AGBL1: variants seen among roughly 807,000 people sequenced by gnomAD.
AGBL1 encodes the protein AGBL carboxypeptidase 1.
In AGBL1, 130 loss-of-function variants were observed where a neutral mutation model predicts 118.9. That is an observed-to-expected ratio of 1.09 (90% CI 0.95 to 1.26). AGBL1 has a LOEUF of 1.26. Ranked by LOEUF, AGBL1 falls within the 50% of genes most tolerant of loss-of-function variation. The pLI is 0.00. For missense variants in AGBL1, 1,584 were observed against 1,298.1 expected (o/e 1.22, Z -3.38); for synonymous variants, 555 against 478.9 (o/e 1.16, Z -2.08).
intron 22 of AGBL1, among the ~76,000 whole-genome samples, chr15:86,806,994 T>C (rs981101963): frequency 1.3e-5 from 2 of 152,126 alleles, no homozygotes; most frequent in African/African-American, 2.4e-5. Context: ...TACCTTTTTT[T>C]CCTTAAAACT....
intron 22 of AGBL1, 82 bp from the exon 23 acceptor site, chr15:86,907,005 C>T (rs2080289591): frequency 6.6e-6 from 1 of 152,318 alleles, no homozygotes; most frequent in Non-Finnish European, 1.5e-5. Flanking sequence ...CCTCCTTCTA[C>T]TTCCCTTTCC....
chr15:86,679,570 G>T (rs962032710), intron 22 of AGBL1, among the ~76,000 whole-genome samples: 2 of 151,940 alleles, frequency 1.3e-5, no homozygotes, highest in Non-Finnish European at 2.9e-5. Flanking sequence ...TATGATCTGG[G>T]CTAGAGTTTT....
At chr15:86,472,029 C>T (rs945206297) in intron 18 of AGBL1, among the ~76,000 whole-genome samples, 4 of 152,158 alleles carry the variant, frequency 2.6e-5, no homozygotes, top group African/African-American at 9.7e-5. Flanking sequence ...GAACCACTGA[C>T]TGGTGTGATG....
intron 22 of AGBL1, among the ~76,000 whole-genome samples, chr15:86,754,613 C>G (rs1314648817): frequency 6.6e-6 from 1 of 152,002 alleles, no homozygotes. Context: ...TGTATACCCA[C>G]CCCAAGTGAG....
chr15:86,289,650 C>T (rs1176400400), intron 16 of AGBL1, among the ~76,000 whole-genome samples: 1 of 152,076 alleles, frequency 6.6e-6, no homozygotes, highest in Admixed American at 6.6e-5. Context: ...GCTCATGGTA[C>T]CTCCCTCCAC....
At chr15:86,941,720 C>G (rs1355251894) in intron 23 of AGBL1, among the ~76,000 whole-genome samples, 2 of 152,180 alleles carry the variant, frequency 1.3e-5, no homozygotes, top group Non-Finnish European at 2.9e-5. Flanking sequence ...CACTCTACAA[C>G]AAAGTGCTCA....
chr15:86,579,556 T>G (rs1396940870), intron 21 of AGBL1, among the ~76,000 whole-genome samples: 1 of 152,294 alleles, frequency 6.6e-6, no homozygotes, highest in East Asian at 1.9e-4. Flanking sequence ...TTTTGGGCAC[T>G]TATTGGGGAA....
At chr15:86,654,735 C>T (rs543426865) in intron 21 of AGBL1, among the ~76,000 whole-genome samples, 5 of 152,082 alleles carry the variant, frequency 3.3e-5, no homozygotes, top group Non-Finnish European at 5.9e-5. Flanking sequence ...TGGTCATTGA[C>T]CTCCCAGTCC....
chr15:86,588,614 C>G (rs1310894510), intron 21 of AGBL1, among the ~76,000 whole-genome samples: 1 of 152,148 alleles, frequency 6.6e-6, no homozygotes, highest in African/African-American at 2.4e-5. Flanking sequence ...CTGATCAAAT[C>G]CAACCCCTGG....
At chr15:86,186,865 T>C (rs950290148) in intron 5 of AGBL1, among the ~76,000 whole-genome samples, 4 of 152,216 alleles carry the variant, frequency 2.6e-5, no homozygotes, top group African/African-American at 9.6e-5. Flanking sequence ...TTTGGTAACA[T>C]GCACAAGGTC....
intron 22 of AGBL1, among the ~76,000 whole-genome samples, chr15:86,737,304 A>G (rs917366970): frequency 1.8e-4 from 27 of 152,252 alleles, no homozygotes; most frequent in Non-Finnish European, 3.2e-4. Flanking sequence ...TGCTGAGGAG[A>G]GAAACAGCTG....
At chr15:86,938,511 T>C (rs2080705564) in intron 23 of AGBL1, among the ~76,000 whole-genome samples, 1 of 152,222 alleles carries the variant, frequency 6.6e-6, no homozygotes, top group African/African-American at 2.4e-5. Flanking sequence ...TTCAGGCAGC[T>C]GAACGTATTT....
intron 24 of AGBL1, among the ~76,000 whole-genome samples, chr15:87,019,705 T>TAAAAG (rs1259982663): frequency 1.2e-4 from 18 of 151,694 alleles, no homozygotes; most frequent in African/African-American, 4.1e-4. Flanking sequence ...ACATCACAAC[T>TAAAAG]AAAAGAACAA....
chr15:86,452,006 A>G (rs1255067599), intron 18 of AGBL1, among the ~76,000 whole-genome samples: 3 of 152,112 alleles, frequency 2.0e-5, no homozygotes, highest in Non-Finnish European at 2.9e-5. Context: ...CAGCTGTTCA[A>G]TGAATTGGCT....
At chr15:86,953,258 A>T (rs1412710874) in intron 23 of AGBL1, among the ~76,000 whole-genome samples, 1 of 152,054 alleles carries the variant, frequency 6.6e-6, no homozygotes, top group Admixed American at 6.6e-5. Context: ...TTTGGGCAGT[A>T]TGGCCATTTT....
intron 18 of AGBL1, among the ~76,000 whole-genome samples, chr15:86,477,629 T>C (rs1376247947): frequency 1.3e-5 from 2 of 152,196 alleles, no homozygotes; most frequent in Non-Finnish European, 2.9e-5. Context: ...CCAGATGTAT[T>C]CACAGCCAAA....
intron 5 of AGBL1, among the ~76,000 whole-genome samples, chr15:86,175,970 G>C (rs1342301746): frequency 6.6e-6 from 1 of 152,152 alleles, no homozygotes; most frequent in Non-Finnish European, 1.5e-5. Context: ...GTAGCTGTTT[G>C]GTGAAATGTT....
At chr15:86,234,069 G>A (rs1187424573) in intron 6 of AGBL1, among the ~76,000 whole-genome samples, 1 of 152,162 alleles carries the variant, frequency 6.6e-6, no homozygotes, top group Admixed American at 6.5e-5. Flanking sequence ...GCAGGATGCT[G>A]TCTTTTATCA....
At chr15:86,735,675 TTGTC>T (rs1268308134) in intron 22 of AGBL1, among the ~76,000 whole-genome samples, 2 of 151,544 alleles carry the variant, frequency 1.3e-5, no homozygotes, top group Admixed American at 6.6e-5. Flanking sequence ...TATATTTTAT[TTGTC>T]TGCATACTGT....
Sources: gnomAD v4.1 joint callset for allele counts (sites outside exome capture counted in the v4.1 genomes callset) on GRCh38, gnomAD v4.1.1 for gene constraint, MANE v1.5 for transcripts, NCBI Gene and HGNC (gene_info 2026-07-23, HGNC 2026-07-21) for gene names.